The following PACS1 variants were observed in gnomAD, a reference collection of about 807,000 sequenced individuals.
PACS1 encodes PACS-1.
PACS1 carries 24 observed loss-of-function variants against 115.0 expected under a neutral mutation model. The ratio of observed to expected loss-of-function variants is 0.21; its 90% CI spans 0.15 to 0.29. The LOEUF (loss-of-function observed/expected upper bound fraction) is 0.29. Ranked by LOEUF, PACS1 falls within the 10% of genes least tolerant of loss-of-function variation. PACS1 has a pLI of 1.00. For missense variants in PACS1, 838 were observed against 1,251.2 expected, an observed-to-expected ratio of 0.67 and a Z score of 4.98; for synonymous variants, 453 against 504.5, an observed-to-expected ratio of 0.90 and a Z score of 1.37.
chr11:66,124,524 T>A (rs187310386), intron 1 of PACS1, among the ~76,000 whole-genome samples: 1 of 152,352 alleles, frequency 6.6e-6, no homozygotes, highest in Admixed American at 6.5e-5. Flanking sequence ...CGTTTATGTA[T>A]TGAATGGCTA....
chr11:66,074,259 T>C (rs1350397537), intron 1 of PACS1, among the ~76,000 whole-genome samples: 2 of 152,168 alleles, frequency 1.3e-5, no homozygotes, highest in African/African-American at 4.8e-5. Context: ...ATAGTTCCTT[T>C]ATCTTTTATG....
At chr11:66,118,495 C>T (rs1858359459) in intron 1 of PACS1, among the ~76,000 whole-genome samples, 1 of 151,806 alleles carries the variant, frequency 6.6e-6, no homozygotes, top group South Asian at 2.1e-4. Context: ...ACTGGTAGTC[C>T]CAGCTCCTTG....
At chr11:66,158,247 G>T (rs181233719) in intron 1 of PACS1, among the ~76,000 whole-genome samples, 15 of 152,206 alleles carry the variant, frequency 9.9e-5, no homozygotes, top group African/African-American at 3.4e-4. Context: ...GGGACTACAC[G>T]TGTGAGCCAC....
intron 14 of PACS1, among the ~76,000 whole-genome samples, chr11:66,232,606 G>T (rs547292667): frequency 1.3e-5 from 2 of 152,300 alleles, no homozygotes; most frequent in Admixed American, 6.5e-5. Context: ...AGAAGCACCC[G>T]GCTGTAACCT....
At chr11:66,177,116 A>T (rs1461102463) in intron 1 of PACS1, among the ~76,000 whole-genome samples, 1 of 152,198 alleles carries the variant, frequency 6.6e-6, no homozygotes, top group Non-Finnish European at 1.5e-5. Flanking sequence ...CAATGCAAGG[A>T]TAGCAAAAAG....
intron 1 of PACS1, among the ~76,000 whole-genome samples, chr11:66,177,819 G>C (rs1162452734): frequency 6.6e-6 from 1 of 152,044 alleles, no homozygotes; most frequent in Admixed American, 6.6e-5. Context: ...TCACATTGCT[G>C]TCCAGGCTGC....
intron 1 of PACS1, among the ~76,000 whole-genome samples, chr11:66,085,491 A>G (rs1857551263): frequency 6.6e-6 from 1 of 152,232 alleles, no homozygotes; most frequent in Non-Finnish European, 1.5e-5. Context: ...AGATATACTT[A>G]GATAATTACT....
chr11:66,213,280 A>T (rs1242787394), intron 4 of PACS1, among the ~76,000 whole-genome samples: 7 of 152,110 alleles, frequency 4.6e-5, no homozygotes, highest in African/African-American at 1.7e-4. Context: ...TTTTATTTTG[A>T]TGCACAAACT....
At chr11:66,232,927 C>G in intron 14 of PACS1, 33 bp from the exon 15 acceptor site, 4 of 1,503,596 alleles carry the variant, frequency 2.7e-6, no homozygotes, top group Non-Finnish European at 3.7e-6. Context: ...GTGTTCTCAC[C>G]TGTGTCCCTG....
rs1855745968 is a variant in PACS1 at position 66,238,431 on chromosome 11, TTTTG to T, written c.2251-361_2251-358del. 1.2e-5 allele frequency: 9 copies of T among 746,032 alleles called. 1 individual carries two copies. In the Admixed American group the frequency reaches 1.6e-4, roughly 14 times the overall value. The allele number at this position is 746,032 out of a possible 1,614,324, so 46.2% of individuals were successfully genotyped here. On this transcript the variant is annotated intron_variant, in intron 19 of 23. Coordinates refer to ENST00000320580, the MANE Select transcript of PACS1 (RefSeq NM_018026.4). ...ATTGTTGCAACTAGGTTTTGTTGTT[TTTTG>T]TTTGTTTGTTTCTACAGCTGGGCTG...
At position 66,082,214 on chromosome 11, in the gene PACS1, G is replaced by GT. The variant is rs562296435; in HGVS notation, c.356+11378dup. Among the ~76,000 whole-genome samples, 100 of 152,194 alleles carry GT rather than the reference G, an allele frequency of 6.6e-4. 5 individuals are homozygous for GT. The South Asian group carries it at 0.021, about 32-fold the overall frequency. Reference sequence around the variant, plus strand: ...ACATGGGGCACAACTGCTTTCTTTAGTTTTTTGGTTTTGTTTGTTTGTTTG... The same window carrying GT: ...ACATGGGGCACAACTGCTTTCTTTAGTTTTTTTGGTTTTGTTTGTTTGTTTG... On this transcript the variant is annotated intron_variant, in intron 1 of 23. Transcript: ENST00000320580.
chr11:66,113,599 C>CA (rs1302788283), intron 1 of PACS1, among the ~76,000 whole-genome samples: 1 of 152,188 alleles, frequency 6.6e-6, no homozygotes, highest in African/African-American at 2.4e-5. Context: ...TTTAAACTCT[C>CA]AGTTCCTTTC....
intron 1 of PACS1, among the ~76,000 whole-genome samples, chr11:66,188,906 C>A (rs1171694048): frequency 6.6e-6 from 1 of 152,112 alleles, no homozygotes; most frequent in African/African-American, 2.4e-5. Context: ...TAAAATAATT[C>A]TTCTAATTTG....
chr11:66,228,246 G>C (rs1855506420), intron 11 of PACS1, among the ~76,000 whole-genome samples: 1 of 152,080 alleles, frequency 6.6e-6, no homozygotes, highest in African/African-American at 2.4e-5. Flanking sequence ...CGTGGGACCA[G>C]AGGCAGGACC....
chr11:66,191,999 G>C (rs1348142468), intron 1 of PACS1, among the ~76,000 whole-genome samples: 5 of 151,920 alleles, frequency 3.3e-5, no homozygotes, highest in Admixed American at 2.6e-4. Flanking sequence ...CTCCAGCCTG[G>C]GAGACAGAGT....
At chr11:66,085,778 A>G (rs1857555748) in intron 1 of PACS1, among the ~76,000 whole-genome samples, 1 of 152,220 alleles carries the variant, frequency 6.6e-6, no homozygotes, top group South Asian at 2.1e-4. Flanking sequence ...TAACTGTAAT[A>G]TGAAAGAAAA....
At chr11:66,141,325 C>T (rs972923587) in intron 1 of PACS1, among the ~76,000 whole-genome samples, 3 of 151,932 alleles carry the variant, frequency 2.0e-5, no homozygotes, top group Non-Finnish European at 4.4e-5. Flanking sequence ...AGGGTCTCGC[C>T]GTGTGGCCCA....
rs140349193 is a variant in PACS1, at chr11:66,134,711, A to T, written c.357-58775A>T. On this transcript the variant is annotated intron_variant, in intron 1 of 23. Transcript: ENST00000320580. ...ACCCTGGCGCCAGGGCGTTGTTCTGACCGATGGTGCCCCCTGATGGCCAGT... is the reference window on the plus strand; with the variant it reads ...ACCCTGGCGCCAGGGCGTTGTTCTGTCCGATGGTGCCCCCTGATGGCCAGT... Among the ~76,000 whole-genome samples the T allele has an allele frequency of 2.0e-5, 3 of 151,768 alleles. No individual in the cohort carries two copies. The East Asian group carries it at 5.8e-4, about 29-fold the overall frequency.
At chr11:66,242,413 C>T (rs1345897946) in intron 22 of PACS1, among the ~76,000 whole-genome samples, 1 of 152,252 alleles carries the variant, frequency 6.6e-6, no homozygotes, top group African/African-American at 2.4e-5. Flanking sequence ...CCAAAACCCA[C>T]GGCCTGCAGC....
Sources: allele counts gnomAD v4.1 joint callset (sites outside exome capture counted in the v4.1 genomes callset), GRCh38; gene constraint gnomAD v4.1.1; transcripts MANE v1.5; gene names NCBI Gene and HGNC (gene_info 2026-07-23, HGNC 2026-07-21).